CLVS1: variants seen among roughly 807,000 people sequenced by gnomAD.
CLVS1 encodes clavesin-1.
Under a neutral mutation model 33.1 loss-of-function variants are expected in CLVS1, and 10 were observed. The observed-to-expected ratio is 0.30, with a 90% CI of 0.19 to 0.51. The LOEUF (loss-of-function observed/expected upper bound fraction) is 0.51, where lower values mean the gene tolerates loss of function less well. Ranked by LOEUF, CLVS1 falls within the 20% of genes least tolerant of loss-of-function variation. The pLI, the probability that CLVS1 is intolerant of heterozygous loss-of-function variation, is 0.97. For missense variants in CLVS1, 343 were observed against 433.4 expected (o/e 0.79, Z 1.85); for synonymous variants, 163 against 166.1 (o/e 0.98, Z 0.14).
the CLVS1 span, among the ~76,000 whole-genome samples, chr8:61,036,261 G>C: frequency 2.6e-5 from 4 of 152,232 alleles, no homozygotes; most frequent in African/African-American, 9.6e-5. Flanking sequence ...ACTCAAAAAT[G>C]GGATTCGAGA....
the CLVS1 span, among the ~76,000 whole-genome samples, chr8:61,016,506 CAGTG>C: frequency 6.6e-6 from 1 of 152,224 alleles, no homozygotes; most frequent in Non-Finnish European, 1.5e-5. Flanking sequence ...TGACTACTGA[CAGTG>C]GGAACATCCA....
the CLVS1 span, among the ~76,000 whole-genome samples, chr8:60,979,695 G>T: frequency 6.6e-6 from 1 of 152,208 alleles, no homozygotes; most frequent in African/African-American, 2.4e-5. Context: ...AGGTGAGGAA[G>T]TGGTGCTTAG....
At chr8:61,338,132 C>G (rs760126522) in intron 2 of CLVS1, among the ~76,000 whole-genome samples, 4 of 152,112 alleles carry the variant, frequency 2.6e-5, no homozygotes, top group Non-Finnish European at 4.4e-5. Flanking sequence ...GAGCCCAGCG[C>G]GATCCATCTT....
intron 2 of CLVS1, among the ~76,000 whole-genome samples, chr8:61,327,169 A>G (rs939710247): frequency 7.9e-5 from 12 of 152,130 alleles, no homozygotes; most frequent in African/African-American, 2.9e-4. Flanking sequence ...AATAGGGCCA[A>G]TTTTTTCTCT....
At chr8:61,106,862 C>T (rs571361862) in intron 1 of CLVS1, among the ~76,000 whole-genome samples, 13 of 152,068 alleles carry the variant, frequency 8.5e-5, no homozygotes, top group African/African-American at 2.4e-4. Context: ...TCTCTGGAGG[C>T]GGGCAAGCAG....
chr8:60,999,645 G>A, the CLVS1 span, among the ~76,000 whole-genome samples: 1 of 152,320 alleles, frequency 6.6e-6, no homozygotes, highest in African/African-American at 2.4e-5. Flanking sequence ...TAAGTAAGCA[G>A]TATAAAACAG....
At chr8:61,443,038 G>A (rs1354722512) in intron 3 of CLVS1, among the ~76,000 whole-genome samples, 1 of 151,844 alleles carries the variant, frequency 6.6e-6, no homozygotes, top group Non-Finnish European at 1.5e-5. Flanking sequence ...TATTTTCTTT[G>A]GTAAAATTTT....
At chr8:61,099,262 A>T (rs760940587) in intron 1 of CLVS1, among the ~76,000 whole-genome samples, 9 of 152,146 alleles carry the variant, frequency 5.9e-5, no homozygotes, top group Non-Finnish European at 1.3e-4. Context: ...GTGGGCATCC[A>T]AAAGGAGAGT....
intron 1 of CLVS1, among the ~76,000 whole-genome samples, chr8:61,093,354 A>G (rs946690309): frequency 2.0e-5 from 3 of 152,194 alleles, no homozygotes; most frequent in African/African-American, 7.2e-5. Context: ...ACAATTTGTA[A>G]TGCAGCCTCT....
At chr8:61,243,839 G>T (rs1185051481) in intron 2 of CLVS1, among the ~76,000 whole-genome samples, 1 of 152,140 alleles carries the variant, frequency 6.6e-6, no homozygotes, top group Non-Finnish European at 1.5e-5. Flanking sequence ...CTCTTTCACT[G>T]TTAGCTTCCT....
At chr8:61,018,911 G>A in the CLVS1 span, among the ~76,000 whole-genome samples, 1 of 152,236 alleles carries the variant, frequency 6.6e-6, no homozygotes. Flanking sequence ...TTCAGAGGTT[G>A]TGGAGCAAAC....
chr8:61,001,451 A>C, the CLVS1 span, among the ~76,000 whole-genome samples: 3 of 152,254 alleles, frequency 2.0e-5, no homozygotes, highest in African/African-American at 7.2e-5. Flanking sequence ...TGGAGATTAC[A>C]TACTTAATCT....
chr8:61,057,409 CACA>C lies in CLVS1; in HGVS notation c.-243+180_-243+182del, dbSNP rs1563387138. Among the ~76,000 whole-genome samples the C allele has an allele frequency of 2.8e-3, 395 of 143,536 alleles. 1 individual carries two copies. Among genetic ancestry groups the C allele is most frequent in the African/African-American group, 8.8e-3 (333 of 37,818 alleles). 94.2% of individuals were successfully genotyped at this position (143,536 alleles called of 152,430 possible). ...ACACACACACACACACACACACACA[CACA>C]CCCCATCCAAGGAAAATTTGGCCTC... On this transcript the variant is annotated intron_variant, in intron 1 of 2. Transcript: ENST00000522621.
intron 2 of CLVS1, among the ~76,000 whole-genome samples, chr8:61,277,350 G>C (rs182008019): frequency 7.2e-5 from 11 of 152,328 alleles, no homozygotes; most frequent in Non-Finnish European, 1.3e-4. Context: ...TTCAGGGCTT[G>C]TGTGGACTTC....
intron 5 of CLVS1, among the ~76,000 whole-genome samples, chr8:61,473,203 C>A (rs932678904): frequency 1.3e-5 from 2 of 151,986 alleles, no homozygotes; most frequent in Non-Finnish European, 2.9e-5. Flanking sequence ...TCAGAGCAAA[C>A]ACCCTGCATT....
intron 2 of CLVS1, among the ~76,000 whole-genome samples, chr8:61,316,406 G>T (rs1412553023): frequency 6.6e-6 from 1 of 152,122 alleles, no homozygotes; most frequent in Admixed American, 6.6e-5. Flanking sequence ...TTCACAACCC[G>T]AAGAAGTTTA....
chr8:61,020,405 T>G, the CLVS1 span, among the ~76,000 whole-genome samples: 1 of 152,220 alleles, frequency 6.6e-6, no homozygotes, highest in Admixed American at 6.5e-5. Flanking sequence ...AGGCTGAAAT[T>G]GAGCCACTTC....
At chr8:61,448,254 C>T (rs1460020450) in intron 3 of CLVS1, among the ~76,000 whole-genome samples, 1 of 151,992 alleles carries the variant, frequency 6.6e-6, no homozygotes, top group African/African-American at 2.4e-5. Context: ...TTGGTATTCA[C>T]TCAGCTTCTT....
the CLVS1 span, among the ~76,000 whole-genome samples, chr8:61,021,647 G>A: frequency 6.6e-6 from 1 of 151,990 alleles, no homozygotes; most frequent in African/African-American, 2.4e-5. Context: ...CCGCATGAGC[G>A]CACCCGGCCT....
Sources: allele counts gnomAD v4.1 joint callset (sites outside exome capture counted in the v4.1 genomes callset), GRCh38; gene constraint gnomAD v4.1.1; transcripts MANE v1.5; gene names NCBI Gene and HGNC (gene_info 2026-07-23, HGNC 2026-07-21).